Variants in CELF2 observed in about 807,000 individuals in gnomAD.
CELF2 encodes the protein CUG triplet repeat RNA-binding protein 2.
In CELF2, 8 loss-of-function variants were observed where a neutral mutation model predicts 62.6. That is an observed-to-expected ratio of 0.13 (90% CI 0.07 to 0.23). CELF2 has a LOEUF of 0.23. Ranked by LOEUF, CELF2 falls within the 10% of genes least tolerant of loss-of-function variation. CELF2 has a pLI of 1.00. For synonymous variants in CELF2, 258 were observed against 250.0 expected, an observed-to-expected ratio of 1.03 and a Z score of -0.30; for missense variants, 333 against 671.0, an observed-to-expected ratio of 0.50 and a Z score of 5.56.
chr10:10,984,550 T>C (rs1383532113), intron 2 of CELF2, among the ~76,000 whole-genome samples: 1 of 152,164 alleles, frequency 6.6e-6, no homozygotes, highest in Non-Finnish European at 1.5e-5. Flanking sequence ...TCCTAGAGGA[T>C]AGAGAAAGGT....
rs753039482 is a variant in CELF2, at chr10:11,156,605, C to T, written c.75-8881C>T. Among the ~76,000 whole-genome samples the T allele has an allele frequency of 1.1e-4, 17 of 152,160 alleles. No homozygotes were observed. Among genetic ancestry groups the T allele is most frequent in the Non-Finnish European group, 2.4e-4 (16 of 68,032 alleles). On this transcript the variant is annotated intron_variant, in intron 1 of 12. Coordinates refer to ENST00000633077, the MANE Select transcript of CELF2 (RefSeq NM_001326342.2). The surrounding 1 kb of genome is among the most constrained non-coding windows in gnomAD (Gnocchi z 4.3). ...TGTTTTACCCCCACTTTAGTCATTG[C>T]GGTATCCCCAGCTCCTTGAATTTGT...
At chr10:11,047,636 A>G (rs368031832) in intron 1 of CELF2, among the ~76,000 whole-genome samples, 1 of 151,752 alleles carries the variant, frequency 6.6e-6, no homozygotes, top group East Asian at 1.9e-4. Flanking sequence ...TGTAGATTCA[A>G]TAGGCAAAAT....
At chr10:11,185,730 T>C (rs1470260884) in intron 2 of CELF2, among the ~76,000 whole-genome samples, 1 of 152,220 alleles carries the variant, frequency 6.6e-6, no homozygotes, top group East Asian at 1.9e-4. Flanking sequence ...AATGATTTTA[T>C]TGGATTCCAT....
chr10:10,510,432 G>C, the CELF2 span, among the ~76,000 whole-genome samples: 2 of 152,254 alleles, frequency 1.3e-5, no homozygotes, highest in African/African-American at 4.8e-5. Context: ...GGGGGAATGA[G>C]AGGAGAGATG....
chr10:10,594,295 C>A, the CELF2 span, among the ~76,000 whole-genome samples: 1 of 152,100 alleles, frequency 6.6e-6, no homozygotes, highest in African/African-American at 2.4e-5. Context: ...CAGGAGGAAA[C>A]GCTCATTTAG....
the CELF2 span, among the ~76,000 whole-genome samples, chr10:10,762,329 T>C: frequency 1.3e-5 from 2 of 152,002 alleles, no homozygotes; most frequent in Admixed American, 6.6e-5. Context: ...GCCTGAGTAA[T>C]AGGAAAGTCA....
chr10:10,893,269 G>A (rs1564780669), intron 1 of CELF2, among the ~76,000 whole-genome samples: 1 of 152,194 alleles, frequency 6.6e-6, no homozygotes, highest in East Asian at 1.9e-4. Context: ...TGAGCAGCTT[G>A]ACTGTAATTA....
In CELF2 at chr10:10,906,754, C is replaced by T. The variant is rs566181013; in HGVS notation, c.54-13210C>T. ...TTTTTTTTTGAAACGGAGTCTCACT[C>T]TGTCGCCAGGCTGTAGTGCGGGGGC... On this transcript the variant is annotated intron_variant, in intron 1 of 13. Coordinates refer to the CELF2 transcript ENST00000636488. 4.2e-5 allele frequency among the ~76,000 whole-genome samples: 5 copies of T among 119,088 alleles called. No individual in the cohort carries two copies. The Admixed American group carries it at 5.3e-4, about 13-fold the overall frequency. The allele number at this position is 119,088 out of a possible 152,430, so 78.1% of individuals were successfully genotyped here.
intron 1 of CELF2, among the ~76,000 whole-genome samples, chr10:11,060,446 T>C (rs996739876): frequency 2.0e-5 from 3 of 152,134 alleles, no homozygotes; most frequent in Non-Finnish European, 2.9e-5. Flanking sequence ...GTGAAATATT[T>C]TATATGGTGG....
intron 1 of CELF2, among the ~76,000 whole-genome samples, chr10:10,900,542 A>T (rs1428049106): frequency 1.3e-5 from 2 of 152,212 alleles, no homozygotes; most frequent in Non-Finnish European, 2.9e-5. Flanking sequence ...CAAACTAGGA[A>T]TAGAAGGGAA....
At chr10:10,792,934 C>T in the CELF2 span, among the ~76,000 whole-genome samples, 1 of 152,168 alleles carries the variant, frequency 6.6e-6, no homozygotes, top group Non-Finnish European at 1.5e-5. Flanking sequence ...CCAACATTCC[C>T]CTTCCCCTGG....
the CELF2 span, among the ~76,000 whole-genome samples, chr10:10,747,488 C>T: frequency 6.6e-5 from 10 of 152,170 alleles, no homozygotes; most frequent in Non-Finnish European, 1.3e-4. Context: ...TGACGGAAGG[C>T]GGCAGGCACC....
the CELF2 span, among the ~76,000 whole-genome samples, chr10:10,584,461 A>C: frequency 6.6e-6 from 1 of 152,228 alleles, no homozygotes; most frequent in Non-Finnish European, 1.5e-5. Context: ...GGCATTGGCC[A>C]AGACTTAGCT....
chr10:10,889,905 A>C (rs1482556704), intron 1 of CELF2, among the ~76,000 whole-genome samples: 1 of 152,218 alleles, frequency 6.6e-6, no homozygotes, highest in African/African-American at 2.4e-5. Context: ...AAGAGTGTAC[A>C]GTCTTTCCTG....
At chr10:10,899,935 G>T (rs116001207) in intron 1 of CELF2, among the ~76,000 whole-genome samples, 2,268 of 152,254 alleles carry the variant, frequency 0.015, 48 homozygotes, top group African/African-American at 0.052. Flanking sequence ...ATGAGATTTG[G>T]GTGGGGACGC....
chr10:10,820,410 A>G (rs1362000930), intron 1 of CELF2, among the ~76,000 whole-genome samples: 1 of 152,168 alleles, frequency 6.6e-6, no homozygotes, highest in Non-Finnish European at 1.5e-5. Context: ...CCATCTCCCC[A>G]TTCTTCCATG....
chr10:10,648,525 A>C, the CELF2 span, among the ~76,000 whole-genome samples: 42 of 152,324 alleles, frequency 2.8e-4, no homozygotes, highest in Non-Finnish European at 5.6e-4. Flanking sequence ...CAATTTCCCC[A>C]TCAGCCAAAG....
the CELF2 span, among the ~76,000 whole-genome samples, chr10:10,758,970 A>G: frequency 4.1e-4 from 63 of 152,294 alleles, no homozygotes; most frequent in African/African-American, 1.5e-3. Flanking sequence ...GAGCTTCCCT[A>G]TCTCCTAATT....
chr10:10,979,672 C>CAAAAAA (rs35482385), intron 2 of CELF2, among the ~76,000 whole-genome samples: 10 of 68,966 alleles, frequency 1.4e-4, no homozygotes, highest in African/African-American at 3.8e-4. Flanking sequence ...CCTTGTCTCT[C>CAAAAAA]AAAAAAAAAA....
Sources: allele counts gnomAD v4.1 joint callset (sites outside exome capture counted in the v4.1 genomes callset), GRCh38; gene constraint gnomAD v4.1.1; non-coding constraint Gnocchi (gnomAD v3.1); transcripts MANE v1.5; gene names NCBI Gene and HGNC (gene_info 2026-07-23, HGNC 2026-07-21).